Variants in UBE3C observed in about 807,000 individuals in gnomAD.
UBE3C encodes ubiquitin protein ligase E3C.
Under a neutral mutation model 129.4 loss-of-function variants are expected in UBE3C, and 42 were observed. The observed-to-expected ratio is 0.32, with a 90% CI of 0.25 to 0.42. The LOEUF is 0.42. Among genes scored for constraint, UBE3C ranks in the 10% least tolerant of loss-of-function variants. The pLI is 1.00. For missense variants in UBE3C, 1,049 were observed against 1,319.1 expected (o/e 0.80, Z 3.17); for synonymous variants, 510 against 492.4 (o/e 1.04, Z -0.47).
At chr7:157,186,763 A>G in intron 9 of UBE3C, 71 bp from the exon 10 acceptor site, 9 of 1,531,118 alleles carry the variant, frequency 5.9e-6, no homozygotes, top group South Asian at 1.2e-5. Context: ...GTGATTTCGT[A>G]TATGTTTGTA....
chr7:157,224,270 C>T (rs1795813776), intron 16 of UBE3C, among the ~76,000 whole-genome samples: 1 of 152,146 alleles, frequency 6.6e-6, no homozygotes, highest in Non-Finnish European at 1.5e-5. Context: ...TCTTGGCTCA[C>T]TGCAACCTCC....
intron 5 of UBE3C, among the ~76,000 whole-genome samples, chr7:157,178,168 A>G (rs917490202): frequency 3.3e-5 from 5 of 152,080 alleles, no homozygotes; most frequent in African/African-American, 1.2e-4. Context: ...GCCCTCTCTA[A>G]ACGGATAGTT....
chr7:157,175,782 A>C (rs1474922435), intron 5 of UBE3C, among the ~76,000 whole-genome samples: 1 of 152,202 alleles, frequency 6.6e-6, no homozygotes, highest in Non-Finnish European at 1.5e-5. Flanking sequence ...GATGCCAGTA[A>C]TTCATATTTT....
Position 157,170,322 on chromosome 7 carries a change from G to A in UBE3C, c.214G>A (p.Ala72Thr), listed in dbSNP as rs764226837. Residue 72 changes from alanine (A) to threonine (T), a missense_variant, in exon 4 of 23, where the codon GCA (alanine) becomes ACA (threonine). Ala to Thr is a moderately conservative substitution (Grantham distance 58). Transcript: ENST00000348165. ...RKQQYSIQRSAFDRCATLSQS... is the reference protein window; with the variant it reads ...RKQQYSIQRSTFDRCATLSQS... ...CTTCCAGTATTCCATCCAAAGAAGT[G>A]CATTTGATCGCTGTGCTACCTTGTC... 9 of 1,521,428 alleles carry A rather than the reference G, an allele frequency of 5.9e-6. No homozygotes were observed. The highest frequency in any genetic ancestry group is 6.1e-6 in the Non-Finnish European group (7 of 1,138,906). 94.2% of individuals were successfully genotyped at this position (1,521,428 alleles called of 1,614,324 possible).
At chr7:157,156,953 T>C (rs1463736647) in intron 1 of UBE3C, among the ~76,000 whole-genome samples, 1 of 152,188 alleles carries the variant, frequency 6.6e-6, no homozygotes. Context: ...GACAGCCTTA[T>C]TTATAGTTAA....
chr7:157,149,158 G>A (rs1191032119), intron 1 of UBE3C, among the ~76,000 whole-genome samples: 1 of 152,160 alleles, frequency 6.6e-6, no homozygotes, highest in African/African-American at 2.4e-5. Context: ...CCAGGTTCAA[G>A]CAATTCTCCT....
intron 2 of UBE3C, among the ~76,000 whole-genome samples, chr7:157,164,900 T>C (rs967336858): frequency 2.0e-5 from 3 of 152,134 alleles, no homozygotes; most frequent in African/African-American, 7.2e-5. Flanking sequence ...GGGGAAGGGC[T>C]CTCTGAGGTG....
At chr7:157,253,598 C>G (rs1796672181) in intron 19 of UBE3C, among the ~76,000 whole-genome samples, 2 of 148,830 alleles carry the variant, frequency 1.3e-5, no homozygotes, top group African/African-American at 4.9e-5. Flanking sequence ...GTCGCTTTTT[C>G]TCTTCTGACT....
rs200237051 is a variant in UBE3C at position 157,184,846 on chromosome 7, A to AT, written c.1143+825dup. ...GATCGATAAGTCAGCTCAGGGCTTG[A>AT]TTTTTTTTAAAAAATAAGAGAAGAC... On this transcript the variant is annotated intron_variant, in intron 9 of 22. Transcript: ENST00000348165. 7.0e-3 allele frequency among the ~76,000 whole-genome samples: 1,067 copies of AT among 152,186 alleles called. 8 individuals are homozygous for AT. Among genetic ancestry groups the AT allele is most frequent in the Middle Eastern group, 0.017 (5 of 294 alleles).
intron 13 of UBE3C, among the ~76,000 whole-genome samples, chr7:157,210,528 A>G (rs1043040636): frequency 1.3e-5 from 2 of 152,220 alleles, no homozygotes; most frequent in East Asian, 1.9e-4. Context: ...ATTTAATACA[A>G]TAGTTCTGTG....
At chr7:157,201,828 T>A in intron 11 of UBE3C, 21 bp downstream of exon 11, 1 of 1,583,440 alleles carries the variant, frequency 6.3e-7, no homozygotes, top group East Asian at 2.3e-5. Flanking sequence ...TACAGACTTA[T>A]AAATTGAGCT....
Position 157,184,346 on chromosome 7 carries a change from A to G in UBE3C, c.1143+317A>G, listed in dbSNP as rs368557410. Among the ~76,000 whole-genome samples the G allele has an allele frequency of 3.5e-4, 54 of 152,296 alleles. 1 individual carries two copies. Among genetic ancestry groups the G allele is most frequent in the African/African-American group, 1.3e-3 (53 of 41,568 alleles). The stretch of plus-strand genomic sequence containing the variant: ...GAAGTGAAATTGTTGGGTCAAAAAG[A>G]TCCTTTTTACCCTATCCTGTGAACA... On this transcript the variant is annotated intron_variant, in intron 9 of 22. Coordinates refer to ENST00000348165, the MANE Select transcript of UBE3C (RefSeq NM_014671.3).
chr7:157,260,170 C>T (rs1452167514), intron 22 of UBE3C, among the ~76,000 whole-genome samples: 1 of 108,032 alleles, frequency 9.3e-6, no homozygotes, highest in East Asian at 2.6e-4. Context: ...CTCTGTTTAC[C>T]AGATATGGGG....
intron 18 of UBE3C, among the ~76,000 whole-genome samples, chr7:157,242,521 T>TTG (rs1796361261): frequency 6.8e-6 from 1 of 146,898 alleles, no homozygotes; most frequent in Non-Finnish European, 1.5e-5. Flanking sequence ...GTTGTTTTTT[T>TTG]TTTTTTTTTT....
intron 3 of UBE3C, 118 bp from the exon 4 acceptor site, chr7:157,170,186 G>A: frequency 1.4e-6 from 1 of 703,038 alleles, no homozygotes; most frequent in Non-Finnish European, 2.0e-6. Context: ...GACCGATAAT[G>A]GTGTTTTCGT....
intron 1 of UBE3C, among the ~76,000 whole-genome samples, chr7:157,154,602 A>C (rs1049993459): frequency 6.6e-6 from 1 of 152,200 alleles, no homozygotes; most frequent in African/African-American, 2.4e-5. Flanking sequence ...CCACTTTCCT[A>C]TCAATGGATA....
rs909176442 is a variant in UBE3C at position 157,231,335 on chromosome 7, A to G, written c.2481+8A>G. The G allele has an allele frequency of 1.2e-6, 2 of 1,612,388 alleles. No homozygotes were observed. The highest frequency in any genetic ancestry group is 1.1e-5 in the South Asian group (1 of 90,644). The stretch of plus-strand genomic sequence containing the variant: ...GGCAGAATGCTTGGAAAGGTAAAGT[A>G]ACCTTCATATAAAAATAGACCTCGG... On this transcript the variant is annotated splice_region_variant and intron_variant, in intron 18 of 22. Coordinates refer to ENST00000348165, the MANE Select transcript of UBE3C (RefSeq NM_014671.3).
rs747967467 is a variant in UBE3C at position 157,207,726 on chromosome 7, A to G, written c.1600A>G (p.Met534Val). The G allele has an allele frequency of 2.2e-5, 35 of 1,613,524 alleles. No individual in the cohort carries two copies. The East Asian group carries it at 3.3e-4, about 15-fold the overall frequency. Residue 534 changes from methionine (M) to valine (V), a missense_variant, in exon 13 of 23, where the codon ATG (methionine) becomes GTG (valine). Coordinates refer to ENST00000348165, the MANE Select transcript of UBE3C (RefSeq NM_014671.3). ...IEVVGQRQSS[M>V]MPFTLEELIM... ...AGTTGTAGGTCAAAGACAATCATCA[A>G]TGATGCCTTTTACTTTAGAAGAGCT...
Position 157,236,240 on chromosome 7 carries a change from CT to C in UBE3C, c.2481+4921del, listed in dbSNP as rs551260543. ...AAGGATGTGGTAATGTCATCTTGAA[CT>C]TTTTTTTACAGATAGAAGCACCTAG... On this transcript the variant is annotated intron_variant, in intron 18 of 22. Transcript: ENST00000348165. Among the ~76,000 whole-genome samples, 5 of 145,682 alleles carry C rather than the reference CT, an allele frequency of 3.4e-5. No individual in the cohort carries two copies. In the Admixed American group the frequency reaches 3.6e-4, roughly 10 times the overall value.
Sources: gnomAD v4.1 joint callset for allele counts (sites outside exome capture counted in the v4.1 genomes callset) on GRCh38, gnomAD v4.1.1 for gene constraint, MANE v1.5 for transcripts, NCBI Gene and HGNC (gene_info 2026-07-23, HGNC 2026-07-21) for gene names.